The following RTN1 variants were observed in gnomAD, a reference collection of about 807,000 sequenced individuals.
RTN1 encodes the protein reticulon 1.
A neutral mutation model predicts 65.5 loss-of-function variants in RTN1; 25 were observed. The ratio of observed to expected loss-of-function variants is 0.38; its 90% confidence interval spans 0.28 to 0.53. The LOEUF (loss-of-function observed/expected upper bound fraction) is 0.53. Among genes scored for constraint, RTN1 ranks in the 20% least tolerant of loss-of-function variants. RTN1 has a pLI of 0.79. For missense variants in RTN1, 983 were observed against 1,025.4 expected (o/e 0.96, Z 0.57); for synonymous variants, 471 against 447.6 (o/e 1.05, Z -0.66).
chr14:59,762,653 T>G (rs1885773312), intron 1 of RTN1, among the ~76,000 whole-genome samples: 1 of 152,188 alleles, frequency 6.6e-6, no homozygotes, highest in African/African-American at 2.4e-5. Flanking sequence ...TGCTGTCACA[T>G]CACAACTAAT....
At chr14:59,652,173 A>G (rs1044357892) in intron 3 of RTN1, among the ~76,000 whole-genome samples, 4 of 152,216 alleles carry the variant, frequency 2.6e-5, no homozygotes, top group African/African-American at 7.2e-5. Context: ...AAAAAGTTCA[A>G]AAAAATAGCA....
chr14:59,686,166 G>A (rs1883843318), intron 3 of RTN1, among the ~76,000 whole-genome samples: 1 of 152,124 alleles, frequency 6.6e-6, no homozygotes, highest in Admixed American at 6.5e-5. Flanking sequence ...CAAACATCCA[G>A]TCAAAATACA....
chr14:59,596,729 C>G lies in RTN1; in HGVS notation c.*16G>C. 1 of 1,599,714 alleles carries G rather than the reference C, an allele frequency of 6.3e-7. No individual in the cohort carries two copies. Among genetic ancestry groups the G allele is most frequent in the Non-Finnish European group, 8.6e-7 (1 of 1,167,062 alleles). On this transcript the variant is annotated 3_prime_UTR_variant, in exon 9 of 9. Coordinates refer to ENST00000267484, the MANE Select transcript of RTN1 (RefSeq NM_021136.3). ...AGACATTCCTGTTTGTGTCCAGTCC[C>G]CGGTGGGAAATCAGTTTACTCAGCA... is the stretch of plus-strand genomic sequence containing the variant.
chr14:59,820,650 T>C (rs909232370), intron 1 of RTN1, among the ~76,000 whole-genome samples: 4 of 152,216 alleles, frequency 2.6e-5, no homozygotes, highest in African/African-American at 9.6e-5. Context: ...GCACCATTTA[T>C]TGAATAGAGT....
chr14:59,733,383 G>C (rs145678735), intron 2 of RTN1, among the ~76,000 whole-genome samples: 1 of 152,168 alleles, frequency 6.6e-6, no homozygotes, highest in Non-Finnish European at 1.5e-5. Context: ...ATGAGCCACC[G>C]TGCCCGGCCA....
At chr14:59,654,323 G>T (rs1353466307) in intron 3 of RTN1, among the ~76,000 whole-genome samples, 2 of 151,862 alleles carry the variant, frequency 1.3e-5, no homozygotes, top group African/African-American at 2.4e-5. Context: ...AGCTACTCAG[G>T]AGGCTGAGGC....
intron 1 of RTN1, among the ~76,000 whole-genome samples, chr14:59,835,809 A>G (rs1286459302): frequency 6.6e-6 from 1 of 152,200 alleles, no homozygotes; most frequent in East Asian, 1.9e-4. Context: ...TAATGATAAC[A>G]GGTGTTATTA....
intron 3 of RTN1, among the ~76,000 whole-genome samples, chr14:59,675,964 A>C (rs1383015427): frequency 6.6e-6 from 1 of 152,128 alleles, no homozygotes; most frequent in African/African-American, 2.4e-5. Context: ...ACTCTCTGAT[A>C]ACCCCCACTC....
intron 1 of RTN1, among the ~76,000 whole-genome samples, chr14:59,858,509 C>T (rs1015967129): frequency 6.7e-5 from 10 of 149,904 alleles, no homozygotes; most frequent in Admixed American, 4.0e-4. Context: ...ATTTGCTATG[C>T]ATAAAACAAA....
At chr14:59,669,800 G>A (rs1189577900) in intron 3 of RTN1, among the ~76,000 whole-genome samples, 1 of 152,040 alleles carries the variant, frequency 6.6e-6, no homozygotes, top group East Asian at 1.9e-4. Context: ...CACTGCCGAT[G>A]AGTGGATTTT....
intron 1 of RTN1, among the ~76,000 whole-genome samples, chr14:59,820,236 G>GT (rs1886916244): frequency 6.6e-6 from 1 of 151,342 alleles, no homozygotes. Flanking sequence ...TTTTTAATGG[G>GT]GTTTTTTTTT....
intron 1 of RTN1, among the ~76,000 whole-genome samples, chr14:59,826,162 A>G (rs1423526604): frequency 1.3e-5 from 2 of 152,206 alleles, no homozygotes; most frequent in East Asian, 3.8e-4. Flanking sequence ...ACTAAGCACA[A>G]ACTAAACACT....
rs1381890946 is a variant in RTN1 at position 59,790,065 on chromosome 14, G to A, written c.242-43584C>T. Among the ~76,000 whole-genome samples the A allele has an allele frequency of 6.6e-6, 1 of 152,074 alleles. No individual in the cohort carries two copies. Among genetic ancestry groups the A allele is most frequent in the African/African-American group, 2.4e-5 (1 of 41,428 alleles). ...ATGAATCAAGGGCCAAAATGATATT[G>A]TTACCAAAGTGATAAATAATTAGAA... On this transcript the variant is annotated intron_variant, in intron 1 of 8. Transcript: ENST00000267484. The surrounding 1 kb of genome is among the most constrained non-coding windows in gnomAD (Gnocchi z 4.1).
At chr14:59,658,547 C>A (rs1883174458) in intron 3 of RTN1, among the ~76,000 whole-genome samples, 1 of 152,230 alleles carries the variant, frequency 6.6e-6, no homozygotes, top group South Asian at 2.1e-4. Context: ...GAACAGGCAG[C>A]AATCTTTGCT....
rs11353177 is a variant in RTN1, at chr14:59,710,045, C to CTTT, written c.1765+16871_1765+16873dup. On this transcript the variant is annotated intron_variant, in intron 3 of 8. Coordinates refer to ENST00000267484, the MANE Select transcript of RTN1 (RefSeq NM_021136.3). ...TCTCCTCTCCTCTCCCTCTTTCTTT[C>CTTT]TTTTTTTTTTTTTTTTTGACAGACT... Among the ~76,000 whole-genome samples the CTTT allele has an allele frequency of 3.3e-3, 360 of 110,762 alleles. 6 individuals carry two copies. The highest frequency in any genetic ancestry group is 0.011 in the African/African-American group (339 of 29,536). 72.7% of individuals were successfully genotyped at this position (110,762 alleles called of 152,430 possible). A position where few individuals can be genotyped will look rare whatever the true frequency, so the allele number is the denominator to read the frequency against.
At chr14:59,662,112 T>C (rs1442897378) in intron 3 of RTN1, among the ~76,000 whole-genome samples, 1 of 151,844 alleles carries the variant, frequency 6.6e-6, no homozygotes, top group African/African-American at 2.4e-5. Flanking sequence ...ATTCTTTTTA[T>C]TTTATTTTTT....
chr14:59,831,152 G>C (rs1035330228), intron 1 of RTN1, among the ~76,000 whole-genome samples: 10 of 152,216 alleles, frequency 6.6e-5, no homozygotes, highest in African/African-American at 1.9e-4. Context: ...ACCTGTGGTG[G>C]TGAATTTTAT....
chr14:59,738,156 C>T (rs368018758), intron 2 of RTN1, among the ~76,000 whole-genome samples: 1 of 152,184 alleles, frequency 6.6e-6, no homozygotes, highest in South Asian at 2.1e-4. Context: ...CTCAAACTGA[C>T]AAATGGGATC....
intron 1 of RTN1, among the ~76,000 whole-genome samples, chr14:59,827,132 A>G (rs552477806): frequency 1.4e-4 from 22 of 152,202 alleles, no homozygotes; most frequent in African/African-American, 5.3e-4. Context: ...AGGCTGGAGT[A>G]CAGTGGCGTG....
Sources: allele counts gnomAD v4.1 joint callset (sites outside exome capture counted in the v4.1 genomes callset), GRCh38; gene constraint gnomAD v4.1.1; non-coding constraint Gnocchi (gnomAD v3.1); transcripts MANE v1.5; gene names NCBI Gene and HGNC (gene_info 2026-07-23, HGNC 2026-07-21).